The following SPECC1 variants were observed in gnomAD, a reference collection of about 807,000 sequenced individuals.
SPECC1 encodes cytospin-B.
SPECC1 carries 62 observed loss-of-function variants against 104.1 expected under a neutral mutation model. That is an observed-to-expected ratio of 0.60 (90% confidence interval 0.49 to 0.74). SPECC1 has a LOEUF of 0.74. SPECC1 is among the 30% of genes least tolerant of loss of function. SPECC1 has a pLI of 0.00. For synonymous variants in SPECC1, 513 were observed against 501.6 expected (o/e 1.02, Z -0.30); for missense variants, 1,306 against 1,310.5 (o/e 1.00, Z 0.05).
At chr17:20,295,707 C>T (rs2041326800) in intron 12 of SPECC1, among the ~76,000 whole-genome samples, 1 of 152,174 alleles carries the variant, frequency 6.6e-6, no homozygotes, top group Non-Finnish European at 1.5e-5. Flanking sequence ...TTAATGATCA[C>T]CATTCTAACT....
intron 1 of SPECC1, among the ~76,000 whole-genome samples, chr17:20,024,565 A>G (rs2044525706): frequency 6.6e-6 from 1 of 152,100 alleles, no homozygotes; most frequent in Non-Finnish European, 1.5e-5. Flanking sequence ...TCTCAGAGGG[A>G]GATGATTCCT....
At chr17:20,042,513 G>A (rs1394736247) in intron 1 of SPECC1, among the ~76,000 whole-genome samples, 2 of 152,212 alleles carry the variant, frequency 1.3e-5, no homozygotes, top group Non-Finnish European at 1.5e-5. Flanking sequence ...TGGCGGGTGA[G>A]GGATGGGCTC....
chr17:20,024,926 G>A (rs951226045), intron 1 of SPECC1, among the ~76,000 whole-genome samples: 38 of 152,250 alleles, frequency 2.5e-4, no homozygotes, highest in African/African-American at 9.1e-4. Context: ...CTATTGAACT[G>A]CTTCTCTTGA....
intron 4 of SPECC1, among the ~76,000 whole-genome samples, chr17:20,209,069 G>T (rs539884432): frequency 1.3e-5 from 2 of 152,266 alleles, no homozygotes; most frequent in African/African-American, 4.8e-5. Context: ...TAACTTGTTA[G>T]TGAGGCAAGT....
At chr17:20,283,584 G>C (rs939703271) in intron 12 of SPECC1, among the ~76,000 whole-genome samples, 1 of 151,844 alleles carries the variant, frequency 6.6e-6, no homozygotes, top group African/African-American at 2.4e-5. Flanking sequence ...ATTTTTACTT[G>C]AGTTGTTTGT....
intron 1 of SPECC1, among the ~76,000 whole-genome samples, chr17:20,035,042 G>A (rs1321481886): frequency 1.3e-5 from 2 of 152,182 alleles, no homozygotes; most frequent in Non-Finnish European, 2.9e-5. Flanking sequence ...TTTAATGAGA[G>A]ACATATCTTC....
chr17:20,114,277 C>T (rs1400218583), intron 3 of SPECC1, among the ~76,000 whole-genome samples: 2 of 151,990 alleles, frequency 1.3e-5, no homozygotes, highest in Non-Finnish European at 2.9e-5. Flanking sequence ...CTGCAACCTC[C>T]GCCTCCTGGG....
At position 20,227,434 on chromosome 17, in the gene SPECC1, C is replaced by T. The variant is rs1057061650; in HGVS notation, c.1885C>T (p.Leu629=). ...TTAGGTGGAAAAGGATTATTCATAC[C>T]TGAAGGAGATATGTGATCACCAAGC... is the stretch of plus-strand genomic sequence containing the variant. ...LAKVEKDYSY[L]KEICDHQAEQ... is the part of the protein sequence containing the mutation. The change falls in exon 5 of 15, where the codon CTG becomes TTG. Residue 629 remains leucine, a synonymous_variant. Transcript: ENST00000395527. The T allele has an allele frequency of 3.1e-6, 5 of 1,611,948 alleles. No individual in the cohort carries two copies. Among genetic ancestry groups the T allele is most frequent in the Non-Finnish European group, 4.2e-6 (5 of 1,179,480 alleles).
chr17:20,215,185 A>C (rs575281975), intron 4 of SPECC1, among the ~76,000 whole-genome samples: 48 of 152,284 alleles, frequency 3.2e-4, no homozygotes, highest in African/African-American at 1.2e-3. Flanking sequence ...AGCTGTAGAA[A>C]TATGTCTAGA....
intron 9 of SPECC1, among the ~76,000 whole-genome samples, chr17:20,248,937 T>C (rs913534843): frequency 6.6e-6 from 1 of 152,174 alleles, no homozygotes; most frequent in Non-Finnish European, 1.5e-5. Context: ...CTAAATATCT[T>C]AAGGAAGTCT....
intron 12 of SPECC1, among the ~76,000 whole-genome samples, chr17:20,287,310 G>A (rs12453013): frequency 0.42 from 64,278 of 151,366 alleles, 14,262 homozygotes; most frequent in East Asian, 0.8. Flanking sequence ...CCAGCTACTC[G>A]GGAGGCTGAG....
chr17:20,063,473 A>G (rs1024723976), intron 1 of SPECC1, among the ~76,000 whole-genome samples: 1 of 152,188 alleles, frequency 6.6e-6, no homozygotes, highest in Non-Finnish European at 1.5e-5. Flanking sequence ...TCAAAGCATC[A>G]GCTTTTCATT....
intron 1 of SPECC1, among the ~76,000 whole-genome samples, chr17:20,094,802 G>A (rs2047567285): frequency 6.6e-6 from 1 of 152,040 alleles, no homozygotes; most frequent in South Asian, 2.1e-4. Flanking sequence ...GTCTTGCTAT[G>A]TTGCCCAGGC....
chr17:20,046,490 G>T (rs998733672), intron 1 of SPECC1, among the ~76,000 whole-genome samples: 13 of 152,126 alleles, frequency 8.5e-5, no homozygotes, highest in Non-Finnish European at 1.5e-4. Flanking sequence ...TGAATAAATA[G>T]ACAGAAATCC....
chr17:20,161,428 A>G (rs1403272058), intron 3 of SPECC1, among the ~76,000 whole-genome samples: 5 of 152,184 alleles, frequency 3.3e-5, no homozygotes, highest in Non-Finnish European at 1.5e-5. Flanking sequence ...ATTCTGTTCC[A>G]TAATTAGTAT....
At position 20,221,335 on chromosome 17, in the gene SPECC1, G is replaced by A. The variant is rs149388029; in HGVS notation, c.1864-6078G>A. Among the ~76,000 whole-genome samples, 925 of 152,082 alleles carry A rather than the reference G, an allele frequency of 6.1e-3. 7 individuals are homozygous for A. The highest frequency in any genetic ancestry group is 0.021 in the African/African-American group (874 of 41,508). On this transcript the variant is annotated intron_variant, in intron 4 of 14. Transcript: ENST00000395527. Reference sequence around the variant, plus strand: ...GACTTTTTATTCTGGCTTTTATCTCGTTACTTGTTACCGGTCTGTTCAGGT... The same window carrying A: ...GACTTTTTATTCTGGCTTTTATCTCATTACTTGTTACCGGTCTGTTCAGGT...
intron 12 of SPECC1, among the ~76,000 whole-genome samples, chr17:20,294,254 A>G (rs2036045813): frequency 6.6e-6 from 1 of 152,136 alleles, no homozygotes; most frequent in African/African-American, 2.4e-5. Context: ...AGTGTTGGGA[A>G]TAGAGGCGTG....
intron 7 of SPECC1, among the ~76,000 whole-genome samples, chr17:20,245,347 GTC>G (rs1340836143): frequency 6.6e-6 from 1 of 152,128 alleles, no homozygotes; most frequent in Non-Finnish European, 1.5e-5. Context: ...ATAGCATCTT[GTC>G]TCTGCTACAG....
Position 20,204,637 on chromosome 17 carries a change from G to T in SPECC1, c.588G>T (p.Glu196Asp), listed in dbSNP as rs1201511790. 1.2e-6 allele frequency: 2 copies of T among 1,614,014 alleles called. No individual in the cohort carries two copies. The highest frequency in any genetic ancestry group is 2.7e-5 in the African/African-American group (2 of 74,910). The change falls in exon 4 of 15, where the codon GAG (glutamate) becomes GAT (aspartate). Residue 196 changes from glutamate (E) to aspartate (D), a missense_variant. Glu to Asp is a conservative substitution (Grantham distance 45, BLOSUM62 2). Around this residue, in one of 2 missense-constraint regions of SPECC1, gnomAD observed 1,177 missense variants for 1,139.9 expected, o/e 1.03. Transcript: ENST00000395527. Reference protein sequence around the residue: ...RLRSELKKYKEKRTLNAEGTD... With the variant: ...RLRSELKKYKDKRTLNAEGTD... The stretch of plus-strand genomic sequence containing the variant: ...GAAGTGAACTAAAGAAATACAAAGA[G>T]AAAAGGACTCTGAACGCTGAGGGGA...
Sources: gnomAD v4.1 joint callset for allele counts (sites outside exome capture counted in the v4.1 genomes callset) on GRCh38, gnomAD v4.1.1 for gene constraint, gnomAD v4.1.1 regional missense constraint, MANE v1.5 for transcripts, NCBI Gene and HGNC (gene_info 2026-07-23, HGNC 2026-07-21) for gene names.